ATAD1: variants seen among roughly 807,000 people sequenced by gnomAD.
ATAD1 encodes outer mitochondrial transmembrane helix translocase.
In ATAD1, 18 loss-of-function variants were observed where a neutral mutation model predicts 42.7. That is an observed-to-expected ratio of 0.42 (90% CI 0.29 to 0.63). ATAD1 has a LOEUF of 0.63. Ranked by LOEUF, ATAD1 falls within the 20% of genes least tolerant of loss-of-function variation. The probability of loss-of-function intolerance (pLI) is 0.19; values close to 1 mark genes in which losing one functional copy is unlikely to be tolerated. For missense variants in ATAD1, 294 were observed against 440.4 expected (o/e 0.67, Z 2.98); for synonymous variants, 132 against 143.1 (o/e 0.92, Z 0.55).
chr10:87,835,569 A>G (rs544610877), intron 1 of ATAD1, among the ~76,000 whole-genome samples: 20 of 152,266 alleles, frequency 1.3e-4, no homozygotes, highest in African/African-American at 4.6e-4. Flanking sequence ...TTTTTACAAC[A>G]CATACGTAGC....
At chr10:87,818,250 C>CG, upstream of ATAD1, 1 of 985,476 alleles carries the variant, frequency 1.0e-6, no homozygotes, top group African/African-American at 1.7e-5. Flanking sequence ...ACGCTTCCGG[C>CG]GGGAGGCGCG....
At chr10:87,788,770 A>AT (rs1295683278) in intron 4 of ATAD1, among the ~76,000 whole-genome samples, 7 of 152,330 alleles carry the variant, frequency 4.6e-5, no homozygotes, top group South Asian at 4.1e-4. Context: ...CAGAAAAGTC[A>AT]TTTTTTGTTC....
chr10:87,809,608 T>A (rs1857084623), intron 2 of ATAD1, among the ~76,000 whole-genome samples: 1 of 151,828 alleles, frequency 6.6e-6, no homozygotes, highest in African/African-American at 2.4e-5. Context: ...CCCACTATAG[T>A]TATGAACAGT....
At chr10:87,835,776 T>A (rs898854495) in intron 1 of ATAD1, among the ~76,000 whole-genome samples, 1 of 152,214 alleles carries the variant, frequency 6.6e-6, no homozygotes, top group East Asian at 1.9e-4. Context: ...GTATATTTTT[T>A]AAAATTCCAT....
At chr10:87,820,378 G>A (rs1352254640), upstream of ATAD1, among the ~76,000 whole-genome samples, 1 of 152,158 alleles carries the variant, frequency 6.6e-6, no homozygotes, top group African/African-American at 2.4e-5. Context: ...TCAACTAAGA[G>A]CCTCACCTGC....
chr10:87,828,670 A>G (rs1857772370), intron 1 of ATAD1, among the ~76,000 whole-genome samples: 1 of 152,212 alleles, frequency 6.6e-6, no homozygotes, highest in African/African-American at 2.4e-5. Context: ...TTTTATTGGA[A>G]GAAAATGCCA....
intron 2 of ATAD1, among the ~76,000 whole-genome samples, chr10:87,795,173 A>C (rs751782118): frequency 2.6e-5 from 4 of 152,184 alleles, no homozygotes; most frequent in African/African-American, 4.8e-5. Context: ...TGATTTGTCT[A>C]ATTTCGAATC....
chr10:87,819,985 T>TA (rs138112735), upstream of ATAD1, among the ~76,000 whole-genome samples: 6,076 of 149,852 alleles, frequency 0.041, 205 homozygotes, highest in South Asian at 0.086. Flanking sequence ...ATTCCTAATT[T>TA]AAAAAAAAAA....
intron 2 of ATAD1, among the ~76,000 whole-genome samples, chr10:87,800,695 T>TAA (rs1300844035): frequency 6.6e-6 from 1 of 152,198 alleles, no homozygotes; most frequent in Non-Finnish European, 1.5e-5. Context: ...GTTACATGGC[T>TAA]TTGACTTCTG....
At chr10:87,758,308 AAG>A (rs1854320315) in intron 8 of ATAD1, among the ~76,000 whole-genome samples, 1 of 152,182 alleles carries the variant, frequency 6.6e-6, no homozygotes, top group Non-Finnish European at 1.5e-5. Flanking sequence ...TAAAGGAAGA[AAG>A]AGAATGTGTA....
intron 4 of ATAD1, among the ~76,000 whole-genome samples, chr10:87,786,325 T>C (rs960844405): frequency 1.2e-4 from 19 of 152,242 alleles, no homozygotes; most frequent in Non-Finnish European, 2.6e-4. Flanking sequence ...GTTGACTTTG[T>C]AGCTACTCTA....
At chr10:87,830,456 A>C (rs1330831457) in intron 1 of ATAD1, among the ~76,000 whole-genome samples, 1 of 152,180 alleles carries the variant, frequency 6.6e-6, no homozygotes, top group Non-Finnish European at 1.5e-5. Flanking sequence ...GTGAGAGATT[A>C]CTGTAACAAA....
chr10:87,808,719 T>C (rs1281600597), intron 2 of ATAD1, among the ~76,000 whole-genome samples: 6 of 152,232 alleles, frequency 3.9e-5, no homozygotes, highest in African/African-American at 7.2e-5. Context: ...ATTATATTGA[T>C]TTCCCATCCC....
chr10:87,811,974 G>A (rs771146603), intron 2 of ATAD1, among the ~76,000 whole-genome samples: 3 of 152,126 alleles, frequency 2.0e-5, no homozygotes, highest in Admixed American at 6.5e-5. Flanking sequence ...TCTTTGGTTC[G>A]TTTTTAAGAT....
Position 87,754,553 on chromosome 10 carries a change from T to TA in ATAD1, c.*133dup. On this transcript the variant is annotated 3_prime_UTR_variant, in exon 10 of 10. Coordinates refer to ENST00000680024, the MANE Select transcript of ATAD1 (RefSeq NM_001321967.2). ...ATGTAACAACTATATCTCAATAACT[T>TA]AGAATTCAGAGTATAAAACCATAAA... 1 of 1,073,104 alleles carries TA rather than the reference T, an allele frequency of 9.3e-7. No individual in the cohort carries two copies. The allele number at this position is 1,073,104 out of a possible 1,614,324, so 66.5% of individuals were successfully genotyped here. A position where few individuals can be genotyped will look rare whatever the true frequency, so the allele number is the denominator to read the frequency against.
At chr10:87,759,807 T>G (rs1477172869) in intron 8 of ATAD1, 1 of 455,010 alleles carries the variant, frequency 2.2e-6, no homozygotes, top group African/African-American at 2.0e-5. Flanking sequence ...AGGACTAATA[T>G]GTACTCCTTA....
At chr10:87,831,495 A>G (rs1857828089) in intron 1 of ATAD1, among the ~76,000 whole-genome samples, 1 of 152,052 alleles carries the variant, frequency 6.6e-6, no homozygotes, top group South Asian at 2.1e-4. Flanking sequence ...TAGATTTCTC[A>G]TCACAATTTA....
Position 87,754,073 on chromosome 10 carries a change from C to T in ATAD1, c.*614G>A, listed in dbSNP as rs1854117744. Reference sequence around the variant, plus strand: ...TATATGCAAGATGTGGAGGATCCAACTAATAACTGCAGAAATAAAAACACT... The same window carrying T: ...TATATGCAAGATGTGGAGGATCCAATTAATAACTGCAGAAATAAAAACACT... On this transcript the variant is annotated 3_prime_UTR_variant, in exon 10 of 10. Coordinates refer to ENST00000680024, the MANE Select transcript of ATAD1 (RefSeq NM_001321967.2). 6.6e-6 allele frequency: 1 copy of T among 152,342 alleles called. No homozygotes were observed. Among genetic ancestry groups the T allele is most frequent in the Non-Finnish European group, 1.5e-5 (1 of 68,010 alleles). 9.4% of individuals were successfully genotyped at this position (152,342 alleles called of 1,614,324 possible).
chr10:87,766,384 A>G (rs1854749531), intron 8 of ATAD1, among the ~76,000 whole-genome samples: 1 of 152,224 alleles, frequency 6.6e-6, no homozygotes, highest in African/African-American at 2.4e-5. Flanking sequence ...ACTAAATTCC[A>G]GAATGTCCAT....
Sources: allele counts gnomAD v4.1 joint callset (sites outside exome capture counted in the v4.1 genomes callset), GRCh38; gene constraint gnomAD v4.1.1; transcripts MANE v1.5; gene names NCBI Gene and HGNC (gene_info 2026-07-23, HGNC 2026-07-21).